Variants in SLC22A31 observed in about 807,000 individuals in gnomAD.
The protein encoded by SLC22A31 is solute carrier family 22 member 31, also known as putative solute carrier family 22 member 31.
A neutral mutation model predicts 27.4 loss-of-function variants in SLC22A31; 42 were observed. That is an observed-to-expected ratio of 1.53 (90% confidence interval 1.20 to 1.98). The LOEUF (loss-of-function observed/expected upper bound fraction) is 1.98, where lower values mean the gene tolerates loss of function less well. Among genes scored for constraint, SLC22A31 ranks in the 30% most tolerant of loss-of-function variants. SLC22A31 has a pLI of 0.00. For synonymous variants in SLC22A31, 290 were observed against 230.8 expected (o/e 1.26, Z -2.33); for missense variants, 593 against 479.9 (o/e 1.24, Z -2.20).
At chr16:89,196,523 C>T in intron 8 of SLC22A31, 4 of 779,406 alleles carry the variant, frequency 5.1e-6, no homozygotes, top group Non-Finnish European at 7.9e-6. Flanking sequence ...GGGGGACACA[C>T]ATGTGACTCC....
chr16:89,198,491 G>A lies in SLC22A31; in HGVS notation c.658C>T (p.Leu220=), dbSNP rs1256482994. 2.0e-6 allele frequency: 3 copies of A among 1,519,592 alleles called. No homozygotes were observed. The highest frequency in any genetic ancestry group is 2.6e-6 in the Non-Finnish European group (3 of 1,138,204). 94.1% of individuals were successfully genotyped at this position (1,519,592 alleles called of 1,614,324 possible). A position where few individuals can be genotyped will look rare whatever the true frequency, so the allele number is the denominator to read the frequency against. The change falls in exon 6 of 9, where the codon CTG becomes TTG. Residue 220 remains leucine (L), a synonymous_variant. Coordinates refer to ENST00000682282, the MANE Select transcript of SLC22A31 (RefSeq NM_001384763.1). ...QPRYHSPLGL[L]RTRVTWRNGL... ...TTTCTCCAGGTGACTCGGGTACGCA[G>A]AAGCCCCAGTGGGGAGTGGTACCGG...
At chr16:89,200,830 C>T (rs758846559), upstream of SLC22A31, among the ~76,000 whole-genome samples, 2 of 152,230 alleles carry the variant, frequency 1.3e-5, no homozygotes, top group Admixed American at 6.5e-5. Context: ...CCAGCCTCTG[C>T]GCACCTCACT....
At chr16:89,197,085 AGTTCCTGAGCC>A (rs1255681511) in intron 8 of SLC22A31, among the ~76,000 whole-genome samples, 3 of 150,982 alleles carry the variant, frequency 2.0e-5, no homozygotes, top group Non-Finnish European at 4.4e-5. Context: ...TCCCCTTCCC[AGTTCCTGAGCC>A]GTCTGCCCAG....
At chr16:89,201,398 C>A, upstream of SLC22A31, 1 of 368,718 alleles carries the variant, frequency 2.7e-6, no homozygotes, top group Non-Finnish European at 4.8e-6. Flanking sequence ...CGGGGTAGCG[C>A]AGGAGCAGGC....
chr16:89,198,500 G>A lies in SLC22A31; in HGVS notation c.649C>T (p.Leu217=), dbSNP rs1916200754. Residue 217 remains leucine, a synonymous_variant, in exon 6 of 9, where the codon CTG becomes TTG. Coordinates refer to ENST00000682282, the MANE Select transcript of SLC22A31 (RefSeq NM_001384763.1). ...RSPQPRYHSP[L]GLLRTRVTWR... The stretch of plus-strand genomic sequence containing the variant: ...GTGACTCGGGTACGCAGAAGCCCCA[G>A]TGGGGAGTGGTACCGGGGCTGGGGG... 5 of 1,517,940 alleles carry A rather than the reference G, an allele frequency of 3.3e-6. No homozygotes were observed. The highest frequency in any genetic ancestry group is 4.4e-6 in the Non-Finnish European group (5 of 1,137,154). The allele number at this position is 1,517,940 out of a possible 1,614,324, so 94.0% of individuals were successfully genotyped here. A position where few individuals can be genotyped will look rare whatever the true frequency, so the allele number is the denominator to read the frequency against.
intron 7 of SLC22A31, 113 bp downstream of exon 7, chr16:89,198,009 C>G: frequency 8.5e-7 from 1 of 1,170,746 alleles, no homozygotes; most frequent in Non-Finnish European, 1.2e-6. Context: ...CAGCAGCTGG[C>G]CTTGGGCTGC....
At position 89,199,455 on chromosome 16, in the gene SLC22A31, C is replaced by G; in HGVS notation, c.241G>C (p.Gly81Arg). ...PTLLVLRLLH[G>R]GTLAGALLAL... ...AGGAGGGCCCCTGCCAATGTGCCCC[C>G]GTGGAGTAGGCGCAGGACCAGCAGG... is the stretch of plus-strand genomic sequence containing the variant. Residue 81 changes from glycine to arginine, a missense_variant, in exon 3 of 9, where the codon GGG becomes CGG. Physicochemically the swap from Gly to Arg is moderately radical, Grantham distance 125 (BLOSUM62 -2). Coordinates refer to ENST00000682282, the MANE Select transcript of SLC22A31 (RefSeq NM_001384763.1). 1.9e-6 allele frequency: 1 copy of G among 535,212 alleles called. No individual in the cohort carries two copies. Among genetic ancestry groups the G allele is most frequent in the Non-Finnish European group, 3.4e-6 (1 of 298,410 alleles). The allele number at this position is 535,212 out of a possible 1,614,324, so 33.2% of individuals were successfully genotyped here. A position where few individuals can be genotyped will look rare whatever the true frequency, so the allele number is the denominator to read the frequency against.
At chr16:89,201,098 C>A (rs947140138), upstream of SLC22A31, 1 of 374,150 alleles carries the variant, frequency 2.7e-6, no homozygotes, top group South Asian at 1.3e-4. Flanking sequence ...CGTGCGCGCC[C>A]GTCTGCGGCA....
At chr16:89,200,907 T>A (rs1460041949), upstream of SLC22A31, among the ~76,000 whole-genome samples, 1 of 152,142 alleles carries the variant, frequency 6.6e-6, no homozygotes, top group African/African-American at 2.4e-5. Flanking sequence ...GACTCTGCCT[T>A]GGAAAGCCAG....
upstream of SLC22A31, chr16:89,201,077 C>T (rs933272654): frequency 3.2e-5 from 12 of 370,892 alleles, no homozygotes; most frequent in Non-Finnish European, 2.4e-5. Flanking sequence ...CCCCTCTCCG[C>T]GGGTCCGGCC....
chr16:89,196,478 G>C (rs1915935469), intron 8 of SLC22A31, 173 bp from the exon 9 acceptor site: 1 of 1,261,450 alleles, frequency 7.9e-7, no homozygotes, highest in South Asian at 1.6e-5. Flanking sequence ...CTGTGGGAGA[G>C]AGTGCGTTGG....
chr16:89,197,376 A>T lies in SLC22A31; in HGVS notation c.956T>A (p.Val319Asp), dbSNP rs780131558. ...LPGWTVLFLS[V>D]LGLLASRAVS... ...AGCCCGGGAGGCCAGGAGCCCCAGGACAGAGAGGAACAGCACAGTCCAGCC... is the reference window on the plus strand; with the variant it reads ...AGCCCGGGAGGCCAGGAGCCCCAGGTCAGAGAGGAACAGCACAGTCCAGCC... The change falls in exon 8 of 9, where the codon GTC becomes GAC. Residue 319 changes from valine to aspartate, a missense_variant. Physicochemically the swap from Val to Asp is radical, Grantham distance 152 (BLOSUM62 -3). Transcript: ENST00000682282. 1 of 1,535,738 alleles carries T rather than the reference A, an allele frequency of 6.5e-7. No individual in the cohort carries two copies. The highest frequency in any genetic ancestry group is 1.2e-5 in the South Asian group (1 of 84,038).
Position 89,198,122 on chromosome 16 carries a change from A to T in SLC22A31, c.922T>A (p.Tyr308Asn). 1 of 1,504,994 alleles carries T rather than the reference A, an allele frequency of 6.6e-7. No individual in the cohort carries two copies. The highest frequency in any genetic ancestry group is 8.7e-7 in the Non-Finnish European group (1 of 1,143,800). 93.2% of individuals were successfully genotyped at this position (1,504,994 alleles called of 1,614,324 possible). ...ASLLLLAGAQ[Y>N]LPGWTVLFLS... ...ATGGCCTGCGGGGCCCCAAGCTCAC[A>T]CTGGGCCCCAGCGAGGAGCAGCAGG... is the stretch of plus-strand genomic sequence containing the variant. Residue 308 changes from tyrosine to asparagine, a missense_variant and splice_region_variant, in exon 7 of 9, where the codon TAT becomes AAT. By Grantham distance (143) the Tyr-to-Asn change is moderately radical. Transcript: ENST00000682282.
chr16:89,201,363 CCG>C (rs2151618193), upstream of SLC22A31: 1 of 190,622 alleles, frequency 5.2e-6, no homozygotes. Flanking sequence ...GGGCGCGGGC[CCG>C]GGGCGGGTGC....
At chr16:89,200,739 C>T (rs561514430), upstream of SLC22A31, among the ~76,000 whole-genome samples, 52 of 152,294 alleles carry the variant, frequency 3.4e-4, no homozygotes, top group African/African-American at 1.2e-3. Context: ...TGAAAGGGGC[C>T]TGGAGGTCCC....
At chr16:89,201,578 G>A (rs1426811090), upstream of SLC22A31, 8 of 398,690 alleles carry the variant, frequency 2.0e-5, no homozygotes, top group Non-Finnish European at 3.1e-5. Context: ...CCAGCACTAT[G>A]CAGGGTACCC....
chr16:89,198,028 G>C (rs1199636223), intron 7 of SLC22A31, 94 bp downstream of exon 7: 2 of 1,387,618 alleles, frequency 1.4e-6, no homozygotes, highest in East Asian at 2.5e-5. Context: ...GCCACCCCAG[G>C]CTGCTCCCCT....
At position 89,199,537 on chromosome 16, in the gene SLC22A31, G is replaced by A. The variant is rs982513608; in HGVS notation, c.159C>T (p.Ser53=). 50 of 456,592 alleles carry A rather than the reference G, an allele frequency of 1.1e-4. No homozygotes were observed. The highest frequency in any genetic ancestry group is 1.1e-3 in the East Asian group (34 of 31,736). 28.3% of individuals were successfully genotyped at this position (456,592 alleles called of 1,614,324 possible). ...CCCCCAGGCCTGTGGTCAGCACCAG[G>A]GAGGCCACAAAAACTGCCCGGCGTC... is the stretch of plus-strand genomic sequence containing the variant. ...RFGRRAVFVA[S]LVLTTGLGAS... Residue 53 remains serine, a synonymous_variant, in exon 3 of 9, where the codon TCC becomes TCT. Coordinates refer to ENST00000682282, the MANE Select transcript of SLC22A31 (RefSeq NM_001384763.1).
upstream of SLC22A31, chr16:89,201,156 CG>C (rs1916576230): frequency 1.1e-5 from 4 of 377,034 alleles, no homozygotes; most frequent in Middle Eastern, 6.8e-4. Flanking sequence ...GGAGGACGGC[CG>C]GGGGGCCCGG....
Sources: gnomAD v4.1 joint callset for allele counts (sites outside exome capture counted in the v4.1 genomes callset) on GRCh38, gnomAD v4.1.1 for gene constraint, MANE v1.5 for transcripts, NCBI Gene and HGNC (gene_info 2026-07-23, HGNC 2026-07-21) for gene names.